RBFOX3: variants seen among roughly 807,000 people sequenced by gnomAD.
RBFOX3 encodes the protein RNA binding protein fox-1 homolog 3.
RBFOX3 carries 17 observed loss-of-function variants against 48.7 expected under a neutral mutation model. The observed-to-expected ratio is 0.35, with a 90% confidence interval of 0.24 to 0.52. The LOEUF is 0.52. Ranked by LOEUF, RBFOX3 falls within the 20% of genes least tolerant of loss-of-function variation. The pLI is 0.94. For missense variants in RBFOX3, 382 were observed against 497.5 expected, an observed-to-expected ratio of 0.77 and a Z score of 2.21; for synonymous variants, 212 against 209.5, an observed-to-expected ratio of 1.01 and a Z score of -0.10.
intron 2 of RBFOX3, among the ~76,000 whole-genome samples, chr17:79,313,651 AG>A (rs1314696471): frequency 7.2e-5 from 11 of 152,174 alleles, no homozygotes; most frequent in African/African-American, 2.7e-4. Context: ...AGGCCAGGCC[AG>A]GCCTGTGCTC....
intron 2 of RBFOX3, among the ~76,000 whole-genome samples, chr17:79,367,286 C>T (rs1463055140): frequency 2.1e-5 from 3 of 143,842 alleles, no homozygotes; most frequent in East Asian, 4.3e-4. Context: ...CTCCTCCTCC[C>T]CCTCCTCCTC....
At chr17:79,499,699 G>A (rs1041618830) in intron 1 of RBFOX3, among the ~76,000 whole-genome samples, 107 of 152,320 alleles carry the variant, frequency 7.0e-4, no homozygotes, top group Non-Finnish European at 1.4e-3. Context: ...ATAAAATGGG[G>A]CAATAATAAC....
intron 1 of RBFOX3, among the ~76,000 whole-genome samples, chr17:79,545,967 CGT>C (rs1568401139): frequency 1.3e-5 from 2 of 152,226 alleles, no homozygotes; most frequent in East Asian, 1.9e-4. Flanking sequence ...TGCGTGTGCA[CGT>C]GTGTGTGCAC....
chr17:79,555,835 G>C, intron 1 of RBFOX3, among the ~76,000 whole-genome samples: 1 of 149,764 alleles, frequency 6.7e-6, no homozygotes, highest in Non-Finnish European at 1.5e-5. Context: ...AGTAATGATG[G>C]TGGTGATGGT....
intron 3 of RBFOX3, among the ~76,000 whole-genome samples, chr17:79,296,798 CTTTT>C (rs2074421998): frequency 6.9e-6 from 1 of 145,524 alleles, no homozygotes; most frequent in Non-Finnish European, 1.5e-5. Context: ...TCTCCCTCCT[CTTTT>C]CCTCCTCCCC....
At chr17:79,141,786 G>A (rs1195283435) in intron 4 of RBFOX3, among the ~76,000 whole-genome samples, 2 of 152,160 alleles carry the variant, frequency 1.3e-5, no homozygotes, top group East Asian at 1.9e-4. Flanking sequence ...ACACAGGTGA[G>A]CGGACGACAC....
intron 2 of RBFOX3, among the ~76,000 whole-genome samples, chr17:79,369,833 C>G (rs1299786649): frequency 6.6e-6 from 1 of 152,194 alleles, no homozygotes. Context: ...ATCTGAGTGT[C>G]TATCCCCTGG....
intron 2 of RBFOX3, among the ~76,000 whole-genome samples, chr17:79,393,230 C>T (rs572355438): frequency 1.3e-5 from 2 of 152,352 alleles, no homozygotes; most frequent in Admixed American, 1.3e-4. Flanking sequence ...CAGTTCCACC[C>T]GCGTAGCCGC....
chr17:79,614,249 G>A (rs1274308461), upstream of RBFOX3, among the ~76,000 whole-genome samples: 6 of 152,236 alleles, frequency 3.9e-5, no homozygotes, highest in Non-Finnish European at 8.8e-5. Context: ...CAGCCTCTGT[G>A]GCCTGGGGGC....
At chr17:79,167,047 C>T (rs570774356) in intron 4 of RBFOX3, among the ~76,000 whole-genome samples, 2 of 152,318 alleles carry the variant, frequency 1.3e-5, no homozygotes, top group South Asian at 4.1e-4. Context: ...TCAAGACCCC[C>T]GGCAAGGCGG....
At chr17:79,120,699 T>G (rs1180966222) in intron 4 of RBFOX3, among the ~76,000 whole-genome samples, 1 of 54,960 alleles carries the variant, frequency 1.8e-5, no homozygotes, top group Non-Finnish European at 3.5e-5. Flanking sequence ...GATAGATGGG[T>G]GGGTGGGTGG....
At chr17:79,108,961 C>T (rs2077969117) in intron 5 of RBFOX3, among the ~76,000 whole-genome samples, 2 of 152,260 alleles carry the variant, frequency 1.3e-5, no homozygotes, top group South Asian at 4.1e-4. Context: ...CTGCGTTGAA[C>T]AGCGAGGATG....
chr17:79,405,439 T>C (rs566907758), intron 2 of RBFOX3, among the ~76,000 whole-genome samples: 1 of 152,018 alleles, frequency 6.6e-6, no homozygotes, highest in South Asian at 2.1e-4. Flanking sequence ...AAAATTGACA[T>C]ACAATGAAAT....
At chr17:79,310,429 C>T (rs2076684713) in intron 2 of RBFOX3, among the ~76,000 whole-genome samples, 1 of 152,174 alleles carries the variant, frequency 6.6e-6, no homozygotes, top group Admixed American at 6.5e-5. Flanking sequence ...AGCAATCTGT[C>T]ACCAAGCTCG....
At chr17:79,605,254 C>T (rs1013311016) in intron 1 of RBFOX3, among the ~76,000 whole-genome samples, 3 of 152,238 alleles carry the variant, frequency 2.0e-5, no homozygotes, top group Admixed American at 6.5e-5. Context: ...CAGGATTCTC[C>T]GCTCTGGCAC....
intron 1 of RBFOX3, among the ~76,000 whole-genome samples, chr17:79,530,911 G>C (rs2087646584): frequency 1.3e-5 from 2 of 152,242 alleles, no homozygotes; most frequent in South Asian, 4.1e-4. Context: ...GGCCTGGCGG[G>C]TTAGACGGTC....
intron 4 of RBFOX3, among the ~76,000 whole-genome samples, chr17:79,192,342 C>T (rs533915968): frequency 1.3e-5 from 2 of 152,304 alleles, no homozygotes; most frequent in South Asian, 4.1e-4. Context: ...CCTGCTCTTA[C>T]TTCCCTAGGA....
chr17:79,664,435 C>T, the RBFOX3 span, among the ~76,000 whole-genome samples: 1 of 151,908 alleles, frequency 6.6e-6, no homozygotes. Context: ...AGGCTCCGCC[C>T]CCCGGGGTTC....
chr17:79,621,247 C>T, the RBFOX3 span, among the ~76,000 whole-genome samples: 1 of 152,182 alleles, frequency 6.6e-6, no homozygotes, highest in African/African-American at 2.4e-5. Context: ...GATCCGCCCG[C>T]CTCGGCCTCC....
Sources: gnomAD v4.1 joint callset for allele counts (sites outside exome capture counted in the v4.1 genomes callset) on GRCh38, gnomAD v4.1.1 for gene constraint, MANE v1.5 for transcripts, NCBI Gene and HGNC (gene_info 2026-07-23, HGNC 2026-07-21) for gene names.